PLXNC1: variants seen among roughly 807,000 people sequenced by gnomAD.
PLXNC1 encodes plexin C1.
PLXNC1 carries 75 observed loss-of-function variants against 178.2 expected under a neutral mutation model. The observed-to-expected ratio is 0.42, with a 90% CI of 0.35 to 0.51. PLXNC1 has a LOEUF of 0.51. Ranked by LOEUF, PLXNC1 falls within the 20% of genes least tolerant of loss-of-function variation. PLXNC1 has a pLI of 0.02. For synonymous variants in PLXNC1, 790 were observed against 779.9 expected (o/e 1.01, Z -0.22); for missense variants, 1,503 against 1,984.4 (o/e 0.76, Z 4.61).
intron 4 of PLXNC1, among the ~76,000 whole-genome samples, chr12:94,189,739 G>A (rs915389728): frequency 6.6e-6 from 1 of 152,102 alleles, no homozygotes; most frequent in Non-Finnish European, 1.5e-5. Flanking sequence ...GGACTGTGGG[G>A]GCTTGATATT....
intron 1 of PLXNC1, among the ~76,000 whole-genome samples, chr12:94,163,692 G>A (rs1295482458): frequency 6.6e-6 from 1 of 152,104 alleles, no homozygotes; most frequent in African/African-American, 2.4e-5. Context: ...CACCAGTGAT[G>A]TTTTCTGGTC....
chr12:94,298,940 T>G (rs1446134396), intron 27 of PLXNC1, 145 bp downstream of exon 27: 2 of 714,622 alleles, frequency 2.8e-6, no homozygotes, highest in Non-Finnish European at 4.4e-6. Flanking sequence ...CAAAGTAGTT[T>G]CTTATTCTGT....
chr12:94,295,897 T>C (rs1967873069), intron 24 of PLXNC1, among the ~76,000 whole-genome samples: 1 of 152,212 alleles, frequency 6.6e-6, no homozygotes, highest in Non-Finnish European at 1.5e-5. Flanking sequence ...GACTTCACCC[T>C]GCACTCTTTA....
intron 4 of PLXNC1, among the ~76,000 whole-genome samples, chr12:94,188,058 G>A (rs1962585746): frequency 6.6e-6 from 1 of 151,918 alleles, no homozygotes; most frequent in Admixed American, 6.6e-5. Context: ...GGAAAGAAAG[G>A]AGGAGGAAGT....
At chr12:94,256,897 G>A (rs1964861143) in intron 17 of PLXNC1, among the ~76,000 whole-genome samples, 1 of 148,042 alleles carries the variant, frequency 6.8e-6, no homozygotes, top group Non-Finnish European at 1.5e-5. Context: ...TATTTTAGGA[G>A]AAGAGAGATA....
Position 94,148,865 on chromosome 12 carries a change from C to A in PLXNC1, c.-107C>A, listed in dbSNP as rs1391413607. On this transcript the variant is annotated 5_prime_UTR_variant, in exon 1 of 31. Transcript: ENST00000258526. This position sits in a 1 kb window ranked among gnomAD's most constrained non-coding sequence, Gnocchi z 4.8. ...CGGGGATGGGGCGGCCGCGGGAGCC[C>A]GAGCGCGCGCAGGAACCGCCGCCGC... The A allele has an allele frequency of 2.1e-5, 4 of 191,502 alleles. No homozygotes were observed. Among genetic ancestry groups the A allele is most frequent in the Non-Finnish European group, 3.8e-5 (4 of 105,084 alleles). The allele number at this position is 191,502 out of a possible 1,614,324, so 11.9% of individuals were successfully genotyped here. A position where few individuals can be genotyped will look rare whatever the true frequency, so the allele number is the denominator to read the frequency against.
In PLXNC1 at chr12:94,149,618, C is replaced by A; in HGVS notation, c.647C>A (p.Ala216Asp). The change falls in exon 1 of 31, where the codon GCC (alanine) becomes GAC (aspartate). Residue 216 changes from alanine to aspartate, a missense_variant. By Grantham distance (126) the Ala-to-Asp change is moderately radical. Transcript: ENST00000258526. ...ALKDTEGRSL[A>D]TQELGRLKLC... ...AAGGACACGGAGGGGCGCAGCCTGG[C>A]CACGCAGGAGCTGGGGCGCCTCAAG... 9 of 1,587,176 alleles carry A rather than the reference C, an allele frequency of 5.7e-6. No homozygotes were observed. The highest frequency in any genetic ancestry group is 7.7e-6 in the Non-Finnish European group (9 of 1,167,666).
intron 9 of PLXNC1, among the ~76,000 whole-genome samples, chr12:94,235,153 C>T (rs1357842316): frequency 6.6e-6 from 1 of 151,920 alleles, no homozygotes; most frequent in African/African-American, 2.4e-5. Flanking sequence ...CAAGACAGGC[C>T]AGGGCTGGAT....
At position 94,273,234 on chromosome 12, in the gene PLXNC1, A is replaced by C. The variant is rs923838641; in HGVS notation, c.3598-6238A>C. Among the ~76,000 whole-genome samples, 11 of 152,182 alleles carry C rather than the reference A, an allele frequency of 7.2e-5. No homozygotes were observed. The East Asian group carries it at 2.1e-3, about 29-fold the overall frequency. On this transcript the variant is annotated intron_variant, in intron 21 of 30. Coordinates refer to ENST00000258526, the MANE Select transcript of PLXNC1 (RefSeq NM_005761.3). ...CTAGAACCATATTCTTTTCTTTACC[A>C]TATTTTTTTCCTATGAATAGTACAG... is the stretch of plus-strand genomic sequence containing the variant.
rs1488523881 is a variant in PLXNC1 at position 94,169,208 on chromosome 12, A to T, written c.1118A>T (p.His373Leu). Residue 373 changes from histidine to leucine, a missense_variant, in exon 2 of 31, where the codon CAT becomes CTT. Coordinates refer to ENST00000258526, the MANE Select transcript of PLXNC1 (RefSeq NM_005761.3). ...CCAATCGCATCATCTACCTTGATCC[A>T]TTCCGACCTGACATCCGTTTATGGC... ...VQPIASSTLI[H>L]SDLTSVYGTV... 6.2e-7 allele frequency: 1 copy of T among 1,614,036 alleles called. No individual in the cohort carries two copies. The highest frequency in any genetic ancestry group is 1.7e-5 in the Admixed American group (1 of 60,022).
intron 1 of PLXNC1, chr12:94,168,217 A>G (rs1961696161): frequency 6.6e-6 from 1 of 152,182 alleles, no homozygotes; most frequent in Admixed American, 6.5e-5. Flanking sequence ...TCTGGCAGAT[A>G]AAGTGTGCTA....
chr12:94,250,690 C>T (rs1289537683), intron 14 of PLXNC1, among the ~76,000 whole-genome samples: 2 of 152,148 alleles, frequency 1.3e-5, no homozygotes, highest in Non-Finnish European at 2.9e-5. Context: ...ATCTGATCAG[C>T]ACTGCCAATC....
intron 4 of PLXNC1, chr12:94,186,769 C>G (rs1565799756): frequency 6.8e-6 from 2 of 294,246 alleles, no homozygotes; most frequent in Non-Finnish European, 1.3e-5. Context: ...CTCCAGAGTT[C>G]GCCAAGACTC....
At chr12:94,166,961 T>C (rs535303082) in intron 1 of PLXNC1, among the ~76,000 whole-genome samples, 2 of 152,220 alleles carry the variant, frequency 1.3e-5, no homozygotes, top group East Asian at 3.9e-4. Context: ...ATGGGGGTCT[T>C]GCTATGTTGC....
chr12:94,233,062 C>T (rs575685658), intron 9 of PLXNC1, among the ~76,000 whole-genome samples: 5 of 152,184 alleles, frequency 3.3e-5, no homozygotes, highest in Admixed American at 6.5e-5. Flanking sequence ...AGCCTGCCCC[C>T]GATCCATGCC....
At chr12:94,184,896 G>T (rs571976211) in intron 3 of PLXNC1, among the ~76,000 whole-genome samples, 2 of 152,304 alleles carry the variant, frequency 1.3e-5, no homozygotes, top group South Asian at 4.1e-4. Flanking sequence ...CAAAGGCTCC[G>T]AGAAGCCCTG....
chr12:94,285,246 G>A (rs999899846), intron 23 of PLXNC1, among the ~76,000 whole-genome samples: 3 of 152,176 alleles, frequency 2.0e-5, no homozygotes, highest in Non-Finnish European at 4.4e-5. Context: ...CAGGGTGACA[G>A]GTCTGCACCA....
chr12:94,187,192 GAA>G (rs3037610), intron 4 of PLXNC1, among the ~76,000 whole-genome samples: 1 of 148,580 alleles, frequency 6.7e-6, no homozygotes, highest in African/African-American at 2.5e-5. Flanking sequence ...GAGAGAGAGA[GAA>G]AAAAAAACCC....
intron 28 of PLXNC1, among the ~76,000 whole-genome samples, chr12:94,302,501 TA>T (rs1194618698): frequency 6.6e-6 from 1 of 152,232 alleles, no homozygotes; most frequent in Non-Finnish European, 1.5e-5. Flanking sequence ...TTCATTTGAC[TA>T]ATAAAGTTCA....
Sources: allele counts gnomAD v4.1 joint callset (sites outside exome capture counted in the v4.1 genomes callset), GRCh38; gene constraint gnomAD v4.1.1; non-coding constraint Gnocchi (gnomAD v3.1); transcripts MANE v1.5; gene names NCBI Gene and HGNC (gene_info 2026-07-23, HGNC 2026-07-21).